KATNAL1: variants seen among roughly 807,000 people sequenced by gnomAD.
The protein encoded by KATNAL1 is katanin p60 ATPase-containing subunit A-like 1.
Under a neutral mutation model 55.2 loss-of-function variants are expected in KATNAL1, and 32 were observed. The ratio of observed to expected loss-of-function variants is 0.58; its 90% confidence interval spans 0.44 to 0.78. The LOEUF (loss-of-function observed/expected upper bound fraction) is 0.78, where lower values mean the gene tolerates loss of function less well. KATNAL1 is among the 30% of genes least tolerant of loss of function. The probability of loss-of-function intolerance (pLI) is 0.00; values close to 1 mark genes in which losing one functional copy is unlikely to be tolerated. For synonymous variants in KATNAL1, 193 were observed against 193.6 expected (o/e 1.00, Z 0.02); for missense variants, 466 against 600.9 (o/e 0.78, Z 2.35).
At chr13:30,252,933 G>T (rs1878457334) in intron 4 of KATNAL1, among the ~76,000 whole-genome samples, 1 of 152,114 alleles carries the variant, frequency 6.6e-6, no homozygotes, top group Admixed American at 6.5e-5. Context: ...TTTTAGTAGA[G>T]ACGGGGTTAC....
At chr13:30,256,626 C>A in intron 3 of KATNAL1, among the ~76,000 whole-genome samples, 1 of 150,510 alleles carries the variant, frequency 6.6e-6, no homozygotes, top group Non-Finnish European at 1.5e-5. Context: ...GACACATATG[C>A]ATAATTCAAA....
At chr13:30,270,775 G>A (rs1166083492) in intron 3 of KATNAL1, among the ~76,000 whole-genome samples, 2 of 148,812 alleles carry the variant, frequency 1.3e-5, no homozygotes, top group South Asian at 4.3e-4. Flanking sequence ...CAAACACTGC[G>A]GAAGGCCGCA....
At chr13:30,263,130 C>T (rs1879448053) in intron 3 of KATNAL1, among the ~76,000 whole-genome samples, 1 of 152,154 alleles carries the variant, frequency 6.6e-6, no homozygotes, top group Non-Finnish European at 1.5e-5. Context: ...ACATGATTAT[C>T]TCAATAGATG....
At chr13:30,279,180 T>G (rs537488484) in intron 3 of KATNAL1, among the ~76,000 whole-genome samples, 1 of 152,342 alleles carries the variant, frequency 6.6e-6, no homozygotes, top group South Asian at 2.1e-4. Context: ...TTAGGGCCTC[T>G]CAGGCTTCAG....
intron 4 of KATNAL1, among the ~76,000 whole-genome samples, chr13:30,248,198 G>C (rs182576855): frequency 6.6e-6 from 1 of 152,110 alleles, no homozygotes; most frequent in African/African-American, 2.4e-5. Flanking sequence ...ATATTTGAAT[G>C]CAACTCTTCC....
At chr13:30,267,496 T>A (rs1566117210) in intron 3 of KATNAL1, among the ~76,000 whole-genome samples, 1 of 152,188 alleles carries the variant, frequency 6.6e-6, no homozygotes, top group Non-Finnish European at 1.5e-5. Context: ...ATACTAGACA[T>A]CTCTTTCTGT....
intron 3 of KATNAL1, among the ~76,000 whole-genome samples, chr13:30,274,907 G>GCGCGCGCGCGCGCGCGCACGCA (rs869107567): frequency 9.5e-6 from 1 of 105,390 alleles, no homozygotes; most frequent in Non-Finnish European, 1.9e-5. Context: ...GCGCGCGCGC[G>GCGCGCGCGCGCGCGCGCACGCA]CACACACACA....
At chr13:30,239,684 G>T (rs948254148) in intron 6 of KATNAL1, among the ~76,000 whole-genome samples, 1 of 128,444 alleles carries the variant, frequency 7.8e-6, no homozygotes, top group African/African-American at 2.8e-5. Context: ...ATACAGAAGT[G>T]ATTTTTTTTT....
Position 30,208,671 on chromosome 13 carries a change from A to G in KATNAL1, c.1342T>C (p.Ser448Pro). The G allele has an allele frequency of 6.2e-7, 1 of 1,614,108 alleles. No homozygotes were observed. Among genetic ancestry groups the G allele is most frequent in the Non-Finnish European group, 8.5e-7 (1 of 1,179,998 alleles). Residue 448 changes from serine to proline, a missense_variant, in exon 11 of 11, where the codon TCT (serine) becomes CCT (proline). Around this residue, in one of 3 missense-constraint regions of KATNAL1, gnomAD observed 213 missense variants for 308.6 expected, o/e 0.69. Transcript: ENST00000380615. ...ACAGGCATCTGAAGTTCCTCTTTAG[A>G]AAGTGCACGGATTTCTTCTGGACTT... ...GLSPEEIRAL[S>P]KEELQMPVTK...
rs1877310956 is a variant in KATNAL1 at position 30,241,845 on chromosome 13, A to G, written c.493-759T>C. On this transcript the variant is annotated intron_variant, in intron 4 of 10. Transcript: ENST00000380615. ...AGGAAACTAAATGGCTCCCTTGGACAGATGCTCTGGTTCCTTCAAGCCACT... is the reference window on the plus strand; with the variant it reads ...AGGAAACTAAATGGCTCCCTTGGACGGATGCTCTGGTTCCTTCAAGCCACT... 2.0e-5 allele frequency among the ~76,000 whole-genome samples: 3 copies of G among 152,232 alleles called. No homozygotes were observed. In the South Asian group the frequency reaches 6.2e-4, roughly 32 times the overall value.
At position 30,244,222 on chromosome 13, in the gene KATNAL1, T is replaced by C. The variant is rs150314005; in HGVS notation, c.493-3136A>G. Among the ~76,000 whole-genome samples the C allele has an allele frequency of 9.2e-3, 1,394 of 152,178 alleles. 25 individuals carry two copies. The highest frequency in any genetic ancestry group is 0.032 in the African/African-American group (1,335 of 41,502). ...TGTGTTAGTTTGCTGAGAATGATGGTTTCCAGCTTCATCCATGTCCCTGCA... is the reference window on the plus strand; with the variant it reads ...TGTGTTAGTTTGCTGAGAATGATGGCTTCCAGCTTCATCCATGTCCCTGCA... On this transcript the variant is annotated intron_variant, in intron 4 of 10. Coordinates refer to ENST00000380615, the MANE Select transcript of KATNAL1 (RefSeq NM_032116.5).
At chr13:30,213,593 A>T (rs893042257) in intron 9 of KATNAL1, among the ~76,000 whole-genome samples, 2 of 152,194 alleles carry the variant, frequency 1.3e-5, no homozygotes, top group Admixed American at 6.5e-5. Context: ...ATGGGCTTCA[A>T]CCCTGGGATG....
At position 30,217,011 on chromosome 13, in the gene KATNAL1, A is replaced by C. The variant is rs560365715; in HGVS notation, c.1148-6569T>G. Among the ~76,000 whole-genome samples, 429 of 151,830 alleles carry C rather than the reference A, an allele frequency of 2.8e-3. 4 individuals are homozygous for C. Among genetic ancestry groups the C allele is most frequent in the African/African-American group, 9.8e-3 (407 of 41,520 alleles). ...ACATACATAAACCTGTTCGTAAGTG[A>C]GGACCTAGTGGTACTGAAGCTTAGC... is the stretch of plus-strand genomic sequence containing the variant. On this transcript the variant is annotated intron_variant, in intron 9 of 10. Transcript: ENST00000380615.
chr13:30,224,109 C>A (rs1875195655), intron 9 of KATNAL1, among the ~76,000 whole-genome samples: 2 of 151,482 alleles, frequency 1.3e-5, no homozygotes, highest in African/African-American at 2.4e-5. Flanking sequence ...ACTAAAGGAC[C>A]AAAGAAAGGG....
chr13:30,284,763 CTA>C (rs1341772778), intron 1 of KATNAL1, among the ~76,000 whole-genome samples: 8 of 152,208 alleles, frequency 5.3e-5, no homozygotes, highest in Non-Finnish European at 7.3e-5. Context: ...AGAATACCCT[CTA>C]GATTTCTGGC....
intron 1 of KATNAL1, among the ~76,000 whole-genome samples, chr13:30,299,065 T>C (rs886942700): frequency 9.9e-5 from 15 of 152,182 alleles, no homozygotes; most frequent in African/African-American, 3.6e-4. Context: ...AGAAATTATA[T>C]TGACAGCTAA....
rs562399918 is a variant in KATNAL1 at position 30,244,656 on chromosome 13, CAGACTAATAA to C, written c.493-3580_493-3571del. Among the ~76,000 whole-genome samples the C allele has an allele frequency of 2.6e-5, 4 of 152,034 alleles. No homozygotes were observed. In the East Asian group the frequency reaches 7.7e-4, roughly 29 times the overall value. On this transcript the variant is annotated intron_variant, in intron 4 of 10. Transcript: ENST00000380615. The stretch of plus-strand genomic sequence containing the variant: ...TTAGCAAAACAGATAGACTGCTAGC[CAGACTAATAA>C]AGAAAAGACAGAAGAATCAAATAGA...
intron 3 of KATNAL1, among the ~76,000 whole-genome samples, chr13:30,268,779 G>A (rs1025212091): frequency 6.6e-6 from 1 of 152,128 alleles, no homozygotes; most frequent in Non-Finnish European, 1.5e-5. Context: ...TAGAAATAGT[G>A]AAATGCAAGA....
intron 4 of KATNAL1, among the ~76,000 whole-genome samples, chr13:30,242,583 A>C (rs1877386761): frequency 6.6e-6 from 1 of 152,178 alleles, no homozygotes; most frequent in African/African-American, 2.4e-5. Context: ...AGTATAATAA[A>C]ATGTATTGCG....
Sources: allele counts gnomAD v4.1 joint callset (sites outside exome capture counted in the v4.1 genomes callset), GRCh38; gene constraint gnomAD v4.1.1; regional missense constraint gnomAD v4.1.1; transcripts MANE v1.5; gene names NCBI Gene and HGNC (gene_info 2026-07-23, HGNC 2026-07-21).